The following THOP1 variants were observed in gnomAD, a reference collection of about 807,000 sequenced individuals.
THOP1 encodes the protein thimet oligopeptidase 1, also known as thimet oligopeptidase.
In THOP1, 49 loss-of-function variants were observed where a neutral mutation model predicts 71.8. The observed-to-expected ratio is 0.68, with a 90% CI of 0.54 to 0.87. The LOEUF (loss-of-function observed/expected upper bound fraction) is 0.87. Ranked by LOEUF, THOP1 falls within the 40% of genes least tolerant of loss-of-function variation. THOP1 has a pLI of 0.00. For synonymous variants in THOP1, 426 were observed against 421.5 expected (o/e 1.01, Z -0.13); for missense variants, 843 against 975.6 (o/e 0.86, Z 1.81).
At chr19:2,797,497 C>T (rs1347359606) in intron 4 of THOP1, among the ~76,000 whole-genome samples, 1 of 152,240 alleles carries the variant, frequency 6.6e-6, no homozygotes, top group African/African-American at 2.4e-5. Context: ...CCAGCCACAG[C>T]TACCAGCTAG....
At chr19:2,813,013 G>A in intron 12 of THOP1, 102 bp from the exon 13 acceptor site, 1 of 1,405,592 alleles carries the variant, frequency 7.1e-7, no homozygotes, top group South Asian at 1.5e-5. Context: ...CCTGGAAGGG[G>A]TTGCTCCGAG....
chr19:2,803,582 C>T (rs2283598), intron 5 of THOP1, among the ~76,000 whole-genome samples: 5,470 of 152,290 alleles, frequency 0.036, 202 homozygotes, highest in South Asian at 0.15. Context: ...CTCCCGTCTC[C>T]GACCGCCAGC....
In THOP1 at chr19:2,805,263, G is replaced by A. The variant is rs1399942217; in HGVS notation, c.750+87G>A. 4 of 1,440,172 alleles carry A rather than the reference G, an allele frequency of 2.8e-6. No homozygotes were observed. The Admixed American group carries it at 7.5e-5, about 27-fold the overall frequency. The allele number at this position is 1,440,172 out of a possible 1,614,324, so 89.2% of individuals were successfully genotyped here. ...CTCCATGTGTGTGAGGCACCTCCAGGCTTTGCACTTGGATGGCCTCCCAAT... is the reference window on the plus strand; with the variant it reads ...CTCCATGTGTGTGAGGCACCTCCAGACTTTGCACTTGGATGGCCTCCCAAT... On this transcript the variant is annotated intron_variant, in intron 6 of 12. Coordinates refer to ENST00000307741, the MANE Select transcript of THOP1 (RefSeq NM_003249.5). This position sits in a 1 kb window ranked among gnomAD's most constrained non-coding sequence, Gnocchi z 6.6.
intron 2 of THOP1, 150 bp from the exon 3 acceptor site, chr19:2,794,614 G>GA: frequency 2.2e-6 from 2 of 914,674 alleles, no homozygotes; most frequent in Non-Finnish European, 1.6e-6. Flanking sequence ...GGTGGCGTGT[G>GA]CCTCTAGTCC....
Position 2,786,017 on chromosome 19 carries a change from G to A in THOP1, c.16+339G>A, listed in dbSNP as rs57388067. ...AGACATTCAAAAATTAAATAAGAGA[G>A]GATCGAAGATAGGGAGGGATCGGTG... On this transcript the variant is annotated intron_variant, in intron 1 of 12. Coordinates refer to ENST00000307741, the MANE Select transcript of THOP1 (RefSeq NM_003249.5). 8.6e-3 allele frequency among the ~76,000 whole-genome samples: 1,314 copies of A among 152,280 alleles called. 22 individuals are homozygous for A. Among genetic ancestry groups the A allele is most frequent in the African/African-American group, 0.03 (1,266 of 41,564 alleles).
intron 5 of THOP1, among the ~76,000 whole-genome samples, chr19:2,802,570 CCCACCTCCCGACACCG>C (rs896003222): frequency 8.7e-5 from 13 of 149,390 alleles, no homozygotes; most frequent in Non-Finnish European, 1.9e-4. Flanking sequence ...TTCCGACACC[CCCACCTCCCGACACCG>C]CCACCTCCCG....
chr19:2,811,913 C>CAGGGAGGG (rs1916485164), intron 12 of THOP1, 179 bp downstream of exon 12: 2 of 1,330,052 alleles, frequency 1.5e-6, no homozygotes, highest in South Asian at 1.5e-5. Context: ...CAGGGTGGGG[C>CAGGGAGGG]CGAGAAAAGC....
chr19:2,797,563 C>T (rs1224580657), intron 4 of THOP1, among the ~76,000 whole-genome samples: 2 of 152,276 alleles, frequency 1.3e-5, no homozygotes, highest in East Asian at 1.9e-4. Context: ...CCCAACACCT[C>T]ATATCCGATA....
At position 2,805,169 on chromosome 19, in the gene THOP1, G is replaced by A; in HGVS notation, c.743G>A (p.Cys248Tyr). 2 of 1,611,566 alleles carry A rather than the reference G, an allele frequency of 1.2e-6. No individual in the cohort carries two copies. Among genetic ancestry groups the A allele is most frequent in the South Asian group, 2.2e-5 (2 of 90,838 alleles). The change falls in exon 6 of 13, where the codon TGC becomes TAC. Residue 248 changes from cysteine (C) to tyrosine (Y), a missense_variant. Physicochemically the swap from Cys to Tyr is radical, Grantham distance 194 (BLOSUM62 -2). Transcript: ENST00000307741. The surrounding 1 kb of genome is among the most constrained non-coding windows in gnomAD (Gnocchi z 6.6). ...GTGGAGGAGGCCTTCAACTGCCGGT[G>A]CAAGGAGGTGAGAAGGCACGGCCAG... The part of the protein sequence containing the change: ...RKVEEAFNCR[C>Y]KEENCAILKE...
At position 2,805,484 on chromosome 19, in the gene THOP1, C is replaced by T. The variant is rs1425015342; in HGVS notation, c.750+308C>T. Reference sequence around the variant, plus strand: ...GTCTCGTCCCTCCCTTATCTGGAGCCGCCCCTCAGGTGTGTCAGCCCAGAT... The same window carrying T: ...GTCTCGTCCCTCCCTTATCTGGAGCTGCCCCTCAGGTGTGTCAGCCCAGAT... On this transcript the variant is annotated intron_variant, in intron 6 of 12. Coordinates refer to ENST00000307741, the MANE Select transcript of THOP1 (RefSeq NM_003249.5). This position sits in a 1 kb window ranked among gnomAD's most constrained non-coding sequence, Gnocchi z 6.6. 6.6e-6 allele frequency among the ~76,000 whole-genome samples: 1 copy of T among 152,200 alleles called. No homozygotes were observed. Among genetic ancestry groups the T allele is most frequent in the East Asian group, 1.9e-4 (1 of 5,184 alleles).
chr19:2,796,378 G>T (rs1916014360), intron 4 of THOP1, among the ~76,000 whole-genome samples, 190 bp downstream of exon 4: 1 of 150,106 alleles, frequency 6.7e-6, no homozygotes, highest in African/African-American at 2.5e-5. Context: ...AGGGAGTGCT[G>T]CGTCCCGGGG....
At chr19:2,785,989 G>C (rs1915731314) in intron 1 of THOP1, among the ~76,000 whole-genome samples, 2 of 152,214 alleles carry the variant, frequency 1.3e-5, no homozygotes, top group Non-Finnish European at 2.9e-5. Context: ...TAGAGCCACA[G>C]ACAGACATTC....
At chr19:2,797,985 C>T (rs1358455247) in intron 4 of THOP1, among the ~76,000 whole-genome samples, 1 of 152,208 alleles carries the variant, frequency 6.6e-6, no homozygotes, top group Non-Finnish European at 1.5e-5. Context: ...GTCCTCAGCT[C>T]AGCCGCAGCG....
intron 4 of THOP1, among the ~76,000 whole-genome samples, chr19:2,798,084 A>G (rs952593635): frequency 6.6e-6 from 1 of 152,190 alleles, no homozygotes; most frequent in African/African-American, 2.4e-5. Flanking sequence ...GCTGGAGTGC[A>G]ACGGTGTGAT....
At chr19:2,794,933 G>A (rs370270889) in intron 3 of THOP1, 21 bp downstream of exon 3, 3 of 1,594,438 alleles carry the variant, frequency 1.9e-6, no homozygotes, top group Non-Finnish European at 2.6e-6. Context: ...CCTGCGGGGA[G>A]TGCAAATAGC....
chr19:2,797,318 G>GTC (rs1568320946), intron 4 of THOP1, among the ~76,000 whole-genome samples: 1 of 152,174 alleles, frequency 6.6e-6, no homozygotes, highest in Non-Finnish European at 1.5e-5. Context: ...GCTGTTGGCT[G>GTC]TCTCTGGGAG....
At chr19:2,797,449 C>A (rs770841010) in intron 4 of THOP1, among the ~76,000 whole-genome samples, 1 of 152,212 alleles carries the variant, frequency 6.6e-6, no homozygotes, top group Non-Finnish European at 1.5e-5. Flanking sequence ...TTTCCGAGGC[C>A]GGCCACTTGG....
At position 2,805,275 on chromosome 19, in the gene THOP1, G is replaced by T. The variant is rs528725892; in HGVS notation, c.750+99G>T. ...GAGGCACCTCCAGGCTTTGCACTTG[G>T]ATGGCCTCCCAATCTCCCTGGCCAG... On this transcript the variant is annotated intron_variant, in intron 6 of 12. Coordinates refer to ENST00000307741, the MANE Select transcript of THOP1 (RefSeq NM_003249.5). This position sits in a 1 kb window ranked among gnomAD's most constrained non-coding sequence, Gnocchi z 6.6. The T allele has an allele frequency of 1.5e-4, 202 of 1,377,716 alleles. No individual in the cohort carries two copies. The South Asian group carries it at 2.8e-3, about 19-fold the overall frequency. The allele number at this position is 1,377,716 out of a possible 1,614,324, so 85.3% of individuals were successfully genotyped here.
At chr19:2,794,436 G>C (rs891300193) in intron 2 of THOP1, among the ~76,000 whole-genome samples, 4 of 152,214 alleles carry the variant, frequency 2.6e-5, no homozygotes, top group Admixed American at 2.6e-4. Flanking sequence ...AGCTCTCTCT[G>C]GAATGGAATT....
Sources: gnomAD v4.1 joint callset for allele counts (sites outside exome capture counted in the v4.1 genomes callset) on GRCh38, gnomAD v4.1.1 for gene constraint, Gnocchi (gnomAD v3.1) non-coding constraint, MANE v1.5 for transcripts, NCBI Gene and HGNC (gene_info 2026-07-23, HGNC 2026-07-21) for gene names.